Variants in SVEP1 observed in about 807,000 individuals in gnomAD.
The protein encoded by SVEP1 is sushi, von Willebrand factor type A, EGF and pentraxin domain-containing protein 1.
In SVEP1, 164 loss-of-function variants were observed where a neutral mutation model predicts 367.3. That is an observed-to-expected ratio of 0.45 (90% CI 0.39 to 0.51). The LOEUF (loss-of-function observed/expected upper bound fraction) is 0.51, where lower values mean the gene tolerates loss of function less well. SVEP1 is among the 20% of genes least tolerant of loss of function. SVEP1 has a pLI of 0.00. For synonymous variants in SVEP1, 1,666 were observed against 1,611.6 expected, an observed-to-expected ratio of 1.03 and a Z score of -0.81; for missense variants, 4,117 against 4,425.3, an observed-to-expected ratio of 0.93 and a Z score of 1.98.
chr9:110,399,055 T>C (rs1827815336), intron 40 of SVEP1, among the ~76,000 whole-genome samples: 1 of 152,268 alleles, frequency 6.6e-6, no homozygotes, highest in African/African-American at 2.4e-5. Context: ...TGTATGTTTA[T>C]TGCGGCACTA....
chr9:110,454,614 A>G (rs374117186), intron 22 of SVEP1, among the ~76,000 whole-genome samples: 17 of 152,364 alleles, frequency 1.1e-4, no homozygotes, highest in Admixed American at 5.2e-4. Flanking sequence ...ACATCATCGA[A>G]TATTATGTAG....
intron 22 of SVEP1, among the ~76,000 whole-genome samples, chr9:110,453,671 C>T (rs1016028892): frequency 6.6e-6 from 1 of 151,860 alleles, no homozygotes; most frequent in Admixed American, 6.6e-5. Flanking sequence ...AGTTCAAGAC[C>T]AGCCTGACCA....
intron 21 of SVEP1, 50 bp from the exon 22 acceptor site, chr9:110,455,753 GA>G (rs1564147826): frequency 7.1e-7 from 1 of 1,404,678 alleles, no homozygotes; most frequent in East Asian, 2.4e-5. Flanking sequence ...GGGATTAACC[GA>G]AATAGAACTA....
At chr9:110,367,448 T>G (rs1448736186) in intron 47 of SVEP1, among the ~76,000 whole-genome samples, 1 of 152,164 alleles carries the variant, frequency 6.6e-6, no homozygotes, top group Non-Finnish European at 1.5e-5. Flanking sequence ...ATTACAGGTG[T>G]GAGCCATCAC....
At chr9:110,394,107 C>G (rs965541860) in intron 40 of SVEP1, among the ~76,000 whole-genome samples, 4 of 152,124 alleles carry the variant, frequency 2.6e-5, no homozygotes, top group South Asian at 2.1e-4. Flanking sequence ...AGGCACCCCC[C>G]AGTAGGGGCG....
chr9:110,402,161 C>A (rs1208684335), intron 39 of SVEP1, among the ~76,000 whole-genome samples: 1 of 151,992 alleles, frequency 6.6e-6, no homozygotes, highest in Non-Finnish European at 1.5e-5. Context: ...TTATTTTAAT[C>A]ATTTATTAAT....
chr9:110,529,761 C>T (rs1306721531), intron 3 of SVEP1, among the ~76,000 whole-genome samples: 1 of 152,006 alleles, frequency 6.6e-6, no homozygotes, highest in African/African-American at 2.4e-5. Flanking sequence ...ATCTAGGATT[C>T]TTTTGGAGGA....
chr9:110,445,381 C>T (rs1329300284), intron 26 of SVEP1, among the ~76,000 whole-genome samples: 4 of 152,134 alleles, frequency 2.6e-5, no homozygotes, highest in African/African-American at 7.2e-5. Flanking sequence ...GTATGCAATA[C>T]ACTTGTCTCC....
At chr9:110,503,266 A>G in intron 5 of SVEP1, 49 bp from the exon 6 acceptor site, 1 of 1,549,706 alleles carries the variant, frequency 6.5e-7, no homozygotes, top group Admixed American at 2.0e-5. Flanking sequence ...ATAAGGATAA[A>G]AATAATAATT....
At chr9:110,401,419 T>G (rs1419638631) in intron 39 of SVEP1, among the ~76,000 whole-genome samples, 3 of 151,846 alleles carry the variant, frequency 2.0e-5, no homozygotes, top group Non-Finnish European at 4.4e-5. Context: ...AACAGTAAAT[T>G]TTAGGCATAC....
chr9:110,452,953 A>AT (rs1828715610), intron 22 of SVEP1, among the ~76,000 whole-genome samples: 1 of 152,206 alleles, frequency 6.6e-6, no homozygotes, highest in Non-Finnish European at 1.5e-5. Flanking sequence ...TAAACTCAAT[A>AT]TATCTTTTCA....
chr9:110,540,496 T>C (rs569207472), intron 3 of SVEP1, among the ~76,000 whole-genome samples: 1 of 152,252 alleles, frequency 6.6e-6, no homozygotes, highest in South Asian at 2.1e-4. Context: ...AAAACATTGA[T>C]TGATTTACCA....
At chr9:110,444,139 T>C (rs1167309406) in intron 26 of SVEP1, among the ~76,000 whole-genome samples, 3 of 152,220 alleles carry the variant, frequency 2.0e-5, no homozygotes, top group Admixed American at 6.5e-5. Context: ...AGATGTTTCA[T>C]AGATACTTCA....
Position 110,481,419 on chromosome 9 carries a change from G to C in SVEP1, c.2188C>G (p.Pro730Ala). The C allele has an allele frequency of 6.3e-7, 1 of 1,586,780 alleles. No individual in the cohort carries two copies. The highest frequency in any genetic ancestry group is 8.6e-7 in the Non-Finnish European group (1 of 1,165,432). ...IVIKGSPCEIPFTPVNGDFIC... is the reference protein window; with the variant it reads ...IVIKGSPCEIAFTPVNGDFIC... Reference sequence around the variant, plus strand: ...AAATCCCCATTTACAGGTGTGAATGGAATTTCACAGGGAGAACCTGTGTAA... The same window carrying C: ...AAATCCCCATTTACAGGTGTGAATGCAATTTCACAGGGAGAACCTGTGTAA... Residue 730 changes from proline to alanine, a missense_variant, in exon 12 of 48, where the codon CCA (proline) becomes GCA (alanine). Pro to Ala is a conservative substitution (Grantham distance 27). Coordinates refer to ENST00000374469, the MANE Select transcript of SVEP1 (RefSeq NM_153366.4).
At chr9:110,476,988 C>T (rs10817026) in intron 13 of SVEP1, among the ~76,000 whole-genome samples, 43,328 of 151,938 alleles carry the variant, frequency 0.29, 6,524 homozygotes, top group Admixed American at 0.33. Flanking sequence ...TTCCCCTCTG[C>T]GTCACTCCCT....
chr9:110,430,121 T>TTTC (rs768856384), intron 33 of SVEP1, 117 bp from the exon 34 acceptor site: 1,428 of 1,159,072 alleles, frequency 1.2e-3, no homozygotes, highest in Non-Finnish European at 1.5e-3. Flanking sequence ...TTTTTTTTTT[T>TTTC]TGGTGTGTGT....
intron 5 of SVEP1, 22 bp downstream of exon 5, chr9:110,512,904 T>C (rs745765206): frequency 3.7e-6 from 6 of 1,613,588 alleles, no homozygotes; most frequent in Admixed American, 1.7e-5. Context: ...AAATAAACAA[T>C]GTAAATTGGC....
At chr9:110,517,615 T>TG (rs1190306572) in intron 3 of SVEP1, among the ~76,000 whole-genome samples, 73 of 95,412 alleles carry the variant, frequency 7.7e-4, no homozygotes, top group Non-Finnish European at 1.4e-3. Flanking sequence ...AAAAAAAAAA[T>TG]GTAAAAAATT....
chr9:110,487,215 C>A (rs1829294093), intron 9 of SVEP1, among the ~76,000 whole-genome samples: 1 of 152,190 alleles, frequency 6.6e-6, no homozygotes, highest in South Asian at 2.1e-4. Context: ...CTTGGCCTCC[C>A]AAAGTGCTGG....
Sources: gnomAD v4.1 joint callset for allele counts (sites outside exome capture counted in the v4.1 genomes callset) on GRCh38, gnomAD v4.1.1 for gene constraint, MANE v1.5 for transcripts, NCBI Gene and HGNC (gene_info 2026-07-23, HGNC 2026-07-21) for gene names.